The following BAIAP2 variants were observed in gnomAD, a reference collection of about 807,000 sequenced individuals.
BAIAP2 encodes the protein BAR/IMD domain containing adaptor protein 2.
A neutral mutation model predicts 63.0 loss-of-function variants in BAIAP2; 18 were observed. The ratio of observed to expected loss-of-function variants is 0.29; its 90% CI spans 0.20 to 0.42. The LOEUF is 0.42. Ranked by LOEUF, BAIAP2 falls within the 10% of genes least tolerant of loss-of-function variation. BAIAP2 has a pLI of 1.00. For synonymous variants in BAIAP2, 386 were observed against 307.6 expected, an observed-to-expected ratio of 1.25 and a Z score of -2.67; for missense variants, 610 against 734.3, an observed-to-expected ratio of 0.83 and a Z score of 1.96.
At chr17:81,110,636 T>A in intron 13 of BAIAP2, 2 of 1,239,788 alleles carry the variant, frequency 1.6e-6, no homozygotes, top group Non-Finnish European at 2.0e-6. Flanking sequence ...AACCTGGGCT[T>A]GCACACGGTG....
At chr17:81,090,984 G>GGAACTGGGCTGGC (rs1368952898) in intron 6 of BAIAP2, among the ~76,000 whole-genome samples, 1 of 152,180 alleles carries the variant, frequency 6.6e-6, no homozygotes, top group African/African-American at 2.4e-5. Context: ...CCTGGGCTGG[G>GGAACTGGGCTGGC]GAACTGGGCT....
intron 1 of BAIAP2, among the ~76,000 whole-genome samples, chr17:81,036,329 G>A (rs145470045): frequency 2.0e-3 from 306 of 152,318 alleles, no homozygotes; most frequent in African/African-American, 7.2e-3. Flanking sequence ...GTGACAGGCT[G>A]GGCGATGAGT....
chr17:81,094,365 C>T (rs72854121), intron 6 of BAIAP2, among the ~76,000 whole-genome samples: 55 of 152,274 alleles, frequency 3.6e-4, no homozygotes, highest in Admixed American at 6.5e-4. Flanking sequence ...ACCTGTTGTT[C>T]CTGGGCACCC....
chr17:81,103,769 G>A (rs1477155686), intron 8 of BAIAP2, 46 bp downstream of exon 8: 2 of 1,243,656 alleles, frequency 1.6e-6, no homozygotes, highest in Non-Finnish European at 2.3e-6. Context: ...GGGTGGGAGG[G>A]CAGCTTGTTG....
chr17:81,036,890 CT>C, intron 1 of BAIAP2: 1 of 1,535,934 alleles, frequency 6.5e-7, no homozygotes, highest in Non-Finnish European at 8.7e-7. Context: ...CCAGCGGAAC[CT>C]TTTTCCTATT....
chr17:81,057,712 A>G, intron 2 of BAIAP2, 169 bp from the exon 3 acceptor site: 1 of 1,387,964 alleles, frequency 7.2e-7, no homozygotes, highest in African/African-American at 1.5e-5. Context: ...AATATCAACA[A>G]GAGATGGGTT....
chr17:81,106,028 T>TGG, intron 10 of BAIAP2, 50 bp from the exon 11 acceptor site: 1 of 1,511,104 alleles, frequency 6.6e-7, no homozygotes, highest in Non-Finnish European at 9.0e-7. Flanking sequence ...CGGTGGGGGA[T>TGG]GGGGAGCCTC....
At chr17:81,095,864 C>A (rs1018168229) in intron 6 of BAIAP2, among the ~76,000 whole-genome samples, 3 of 152,188 alleles carry the variant, frequency 2.0e-5, no homozygotes, top group Non-Finnish European at 2.9e-5. Context: ...CAACTCTCTT[C>A]CCGGCCAGGG....
At position 81,116,463 on chromosome 17, in the gene BAIAP2, G is replaced by T; in HGVS notation, c.*624G>T. On this transcript the variant is annotated 3_prime_UTR_variant, in exon 14 of 14. Coordinates refer to ENST00000428708, the MANE Select transcript of BAIAP2 (RefSeq NM_001144888.2). ...CCCAGGCCCCTCCTGCCTCGGGCAG[G>T]CCCCAGCCCTCCTCCTTACCCAACC... The T allele has an allele frequency of 1.1e-6, 1 of 897,864 alleles. No individual in the cohort carries two copies. Among genetic ancestry groups the T allele is most frequent in the Non-Finnish European group, 1.6e-6 (1 of 626,408 alleles). The allele number at this position is 897,864 out of a possible 1,614,324, so 55.6% of individuals were successfully genotyped here.
At chr17:81,110,843 C>T (rs2059839017) in intron 13 of BAIAP2, 2 of 1,587,046 alleles carry the variant, frequency 1.3e-6, no homozygotes, top group Non-Finnish European at 1.7e-6. Context: ...CGCCCGTGGT[C>T]CCCCCTCCTC....
At chr17:81,101,327 C>T (rs2058454634) in intron 7 of BAIAP2, among the ~76,000 whole-genome samples, 1 of 152,140 alleles carries the variant, frequency 6.6e-6, no homozygotes, top group Admixed American at 6.5e-5. Context: ...AGGGGATCCC[C>T]TCCTAGGAGG....
At chr17:81,110,923 G>A in intron 13 of BAIAP2, 1 of 1,613,918 alleles carries the variant, frequency 6.2e-7, no homozygotes, top group African/African-American at 1.3e-5. Flanking sequence ...GCGCCGATGT[G>A]GAAGTGGCCA....
At chr17:81,053,494 A>T in intron 1 of BAIAP2, 174 bp from the exon 2 acceptor site, 1 of 669,224 alleles carries the variant, frequency 1.5e-6, no homozygotes, top group East Asian at 2.6e-5. Flanking sequence ...TTTCCCAAGG[A>T]CATTGATCAG....
chr17:81,055,527 G>C (rs1171898055), intron 2 of BAIAP2, among the ~76,000 whole-genome samples: 1 of 148,848 alleles, frequency 6.7e-6, no homozygotes, highest in African/African-American at 2.5e-5. Flanking sequence ...CATCAAAATT[G>C]TCTTAAAGAG....
At chr17:81,111,723 A>G (rs573870480) in intron 13 of BAIAP2, among the ~76,000 whole-genome samples, 1 of 152,282 alleles carries the variant, frequency 6.6e-6, no homozygotes, top group Non-Finnish European at 1.5e-5. Flanking sequence ...TATATTTGGG[A>G]TGTGCCAGGG....
intron 3 of BAIAP2, among the ~76,000 whole-genome samples, chr17:81,061,905 T>C (rs540041973): frequency 6.6e-6 from 1 of 152,304 alleles, no homozygotes; most frequent in Admixed American, 6.5e-5. Context: ...TTTGCACATA[T>C]TTGCTTTCAG....
At chr17:81,035,568 C>T (rs1230289296) in intron 1 of BAIAP2, among the ~76,000 whole-genome samples, 2 of 150,020 alleles carry the variant, frequency 1.3e-5, no homozygotes, top group Non-Finnish European at 3.0e-5. Flanking sequence ...TCCCCAGCCC[C>T]AGGCCCGGGG....
chr17:81,037,030 C>A, intron 1 of BAIAP2: 1 of 1,347,642 alleles, frequency 7.4e-7, no homozygotes, highest in African/African-American at 1.4e-5. Context: ...ACTCTCCTAA[C>A]CGGGCAGTAG....
chr17:81,052,229 C>G (rs1352511145), intron 1 of BAIAP2, among the ~76,000 whole-genome samples: 1 of 152,240 alleles, frequency 6.6e-6, no homozygotes, highest in Non-Finnish European at 1.5e-5. Context: ...AAAGTGCTTC[C>G]CTGCCTGCCT....
Sources: gnomAD v4.1 joint callset for allele counts (sites outside exome capture counted in the v4.1 genomes callset) on GRCh38, gnomAD v4.1.1 for gene constraint, MANE v1.5 for transcripts, NCBI Gene and HGNC (gene_info 2026-07-23, HGNC 2026-07-21) for gene names.